The following GRID2 variants were observed in gnomAD, a reference collection of about 807,000 sequenced individuals.
GRID2 encodes the protein glutamate receptor ionotropic, delta-2.
A neutral mutation model predicts 114.8 loss-of-function variants in GRID2; 33 were observed. The ratio of observed to expected loss-of-function variants is 0.29; its 90% confidence interval spans 0.22 to 0.38. GRID2 has a LOEUF of 0.38. Ranked by LOEUF, GRID2 falls within the 10% of genes least tolerant of loss-of-function variation. The pLI is 1.00. For synonymous variants in GRID2, 505 were observed against 449.9 expected, an observed-to-expected ratio of 1.12 and a Z score of -1.55; for missense variants, 1,184 against 1,257.7, an observed-to-expected ratio of 0.94 and a Z score of 0.89.
At chr4:93,388,625 C>T (rs1764557243) in intron 8 of GRID2, among the ~76,000 whole-genome samples, 1 of 152,060 alleles carries the variant, frequency 6.6e-6, no homozygotes, top group Non-Finnish European at 1.5e-5. Context: ...TAGGCCACAT[C>T]CAAAGTTTGG....
rs74788800 is a variant in GRID2, at chr4:93,326,110, G to T, written c.1246-69497G>T. On this transcript the variant is annotated intron_variant, in intron 8 of 15. Coordinates refer to ENST00000282020, the MANE Select transcript of GRID2 (RefSeq NM_001510.4). ...TCTAAAGCAGTTTTTAACAGTCAGG[G>T]TTTAGTAGAGGAAATAGGAAATACT... Among the ~76,000 whole-genome samples the T allele has an allele frequency of 0.04, 6,104 of 152,160 alleles. 835 individuals are homozygous for T. The East Asian group carries it at 0.49, about 12-fold the overall frequency.
chr4:93,148,894 A>G (rs1022240450), intron 4 of GRID2, among the ~76,000 whole-genome samples: 1 of 152,214 alleles, frequency 6.6e-6, no homozygotes, highest in Admixed American at 6.5e-5. Flanking sequence ...TTCTTGGAAA[A>G]GAATTTCAGC....
chr4:92,819,394 A>G (rs972548605), intron 2 of GRID2, among the ~76,000 whole-genome samples: 2 of 152,094 alleles, frequency 1.3e-5, no homozygotes, highest in Admixed American at 1.3e-4. Flanking sequence ...CTGGACTAAA[A>G]TGAAGGGCAC....
chr4:93,494,643 G>A (rs1159750229), intron 12 of GRID2, among the ~76,000 whole-genome samples: 2 of 151,552 alleles, frequency 1.3e-5, no homozygotes, highest in African/African-American at 2.4e-5. Context: ...TCATAACTAT[G>A]TCCTATGTTT....
At chr4:93,136,070 C>G (rs900391486) in intron 4 of GRID2, among the ~76,000 whole-genome samples, 1 of 152,096 alleles carries the variant, frequency 6.6e-6, no homozygotes, top group African/African-American at 2.4e-5. Flanking sequence ...AGGATAATTA[C>G]TTTACTATTA....
At chr4:92,642,268 T>C (rs1560506031) in intron 2 of GRID2, among the ~76,000 whole-genome samples, 1 of 151,842 alleles carries the variant, frequency 6.6e-6, no homozygotes. Flanking sequence ...ACCAAAAGTA[T>C]GTAAGCATTC....
At chr4:92,812,587 C>A (rs1330714184) in intron 2 of GRID2, among the ~76,000 whole-genome samples, 1 of 151,908 alleles carries the variant, frequency 6.6e-6, no homozygotes, top group Non-Finnish European at 1.5e-5. Flanking sequence ...TAGCATAATA[C>A]CCCTGTTTTA....
chr4:93,132,710 G>A (rs1038286854), intron 4 of GRID2, among the ~76,000 whole-genome samples: 1 of 152,106 alleles, frequency 6.6e-6, no homozygotes, highest in East Asian at 1.9e-4. Flanking sequence ...ATTTCATACC[G>A]GGAAGGCATC....
intron 12 of GRID2, among the ~76,000 whole-genome samples, chr4:93,492,727 A>G (rs766237228): frequency 2.0e-5 from 3 of 151,906 alleles, no homozygotes; most frequent in Admixed American, 6.6e-5. Context: ...TAAGAAAAAT[A>G]GCTTAATTGT....
chr4:92,669,284 T>A (rs534427910), intron 2 of GRID2, among the ~76,000 whole-genome samples: 1 of 152,018 alleles, frequency 6.6e-6, no homozygotes, highest in South Asian at 2.1e-4. Flanking sequence ...CTATGCCTTA[T>A]AATACTCACT....
At chr4:93,348,042 AT>A (rs1760416968) in intron 8 of GRID2, among the ~76,000 whole-genome samples, 2 of 152,294 alleles carry the variant, frequency 1.3e-5, no homozygotes, top group Admixed American at 1.3e-4. Context: ...GTTTCAATCC[AT>A]AAACCAGAAA....
chr4:92,907,971 C>T (rs1018818692), intron 2 of GRID2, among the ~76,000 whole-genome samples: 6 of 151,932 alleles, frequency 3.9e-5, no homozygotes, highest in African/African-American at 9.7e-5. Flanking sequence ...TGCAGTGAGC[C>T]GAGACTATGG....
chr4:92,360,491 T>TA (rs556035480), intron 1 of GRID2, among the ~76,000 whole-genome samples: 73 of 151,056 alleles, frequency 4.8e-4, no homozygotes, highest in African/African-American at 1.2e-3. Context: ...CATAGAATAA[T>TA]AAAAAAAAAT....
At chr4:93,229,350 G>A (rs2149498242) in intron 7 of GRID2, among the ~76,000 whole-genome samples, 1 of 152,228 alleles carries the variant, frequency 6.6e-6, no homozygotes, top group South Asian at 2.1e-4. Context: ...GAGTGGCCTG[G>A]GCCTTTTTGT....
chr4:92,810,046 A>G (rs940752312), intron 2 of GRID2, among the ~76,000 whole-genome samples: 5 of 152,012 alleles, frequency 3.3e-5, no homozygotes, highest in African/African-American at 7.2e-5. Context: ...CATAATTTCA[A>G]TTAGATATAA....
rs1021070208 is a variant in GRID2, at chr4:92,427,862, C to T, written c.88+123118C>T. Among the ~76,000 whole-genome samples, 3 of 152,058 alleles carry T rather than the reference C, an allele frequency of 2.0e-5. No individual in the cohort carries two copies. The South Asian group carries it at 6.2e-4, about 32-fold the overall frequency. On this transcript the variant is annotated intron_variant, in intron 1 of 15. Coordinates refer to ENST00000282020, the MANE Select transcript of GRID2 (RefSeq NM_001510.4). ...CTCTAATTGAAAAATAGAAAATATTCGAAAGACTTACCAAAAATCAAGCTA... is the reference window on the plus strand; with the variant it reads ...CTCTAATTGAAAAATAGAAAATATTTGAAAGACTTACCAAAAATCAAGCTA...
intron 13 of GRID2, among the ~76,000 whole-genome samples, chr4:93,543,925 G>A (rs1732927609): frequency 6.6e-6 from 1 of 152,152 alleles, no homozygotes; most frequent in African/African-American, 2.4e-5. Flanking sequence ...TGCAACCAAT[G>A]TAAGAACTAT....
chr4:92,999,176 G>A (rs1220553516), intron 2 of GRID2, among the ~76,000 whole-genome samples: 1 of 151,740 alleles, frequency 6.6e-6, no homozygotes, highest in Admixed American at 6.6e-5. Flanking sequence ...TTAATTCTTA[G>A]CCTAGCCACT....
intron 14 of GRID2, among the ~76,000 whole-genome samples, chr4:93,746,247 C>A (rs1465314394): frequency 1.3e-5 from 2 of 152,056 alleles, no homozygotes; most frequent in Admixed American, 1.3e-4. Context: ...TTTATCTAAT[C>A]ATTGTACTAG....
Sources: gnomAD v4.1 joint callset for allele counts (sites outside exome capture counted in the v4.1 genomes callset) on GRCh38, gnomAD v4.1.1 for gene constraint, MANE v1.5 for transcripts, NCBI Gene and HGNC (gene_info 2026-07-23, HGNC 2026-07-21) for gene names.